Variants in DPYD observed in about 807,000 individuals in gnomAD.
DPYD encodes dihydropyrimidine dehydrogenase [NADP(+)].
A neutral mutation model predicts 116.2 loss-of-function variants in DPYD; 109 were observed. The ratio of observed to expected loss-of-function variants is 0.94; its 90% confidence interval spans 0.80 to 1.10. DPYD has a LOEUF of 1.10. DPYD is among the 50% of genes least tolerant of loss of function. The probability of loss-of-function intolerance (pLI) is 0.00; values close to 1 mark genes in which losing one functional copy is unlikely to be tolerated. For synonymous variants in DPYD, 440 were observed against 432.0 expected (o/e 1.02, Z -0.23); for missense variants, 1,302 against 1,254.5 (o/e 1.04, Z -0.57).
chr1:97,657,817 A>G (rs987276827), intron 8 of DPYD, among the ~76,000 whole-genome samples: 3 of 152,174 alleles, frequency 2.0e-5, no homozygotes, highest in Admixed American at 6.5e-5. Context: ...GAAAATGTTG[A>G]AGACTGGTAG....
intron 13 of DPYD, among the ~76,000 whole-genome samples, chr1:97,467,659 G>A (rs11165877): frequency 0.27 from 40,894 of 152,020 alleles, 5,696 homozygotes; most frequent in Middle Eastern, 0.37. Flanking sequence ...TGAGCCAGGT[G>A]AGCAGGCTTC....
intron 1 of DPYD, among the ~76,000 whole-genome samples, chr1:97,915,544 CAT>C (rs1408064598): frequency 6.6e-6 from 1 of 152,098 alleles, no homozygotes. Flanking sequence ...TGAACACCCA[CAT>C]GACTGATATT....
chr1:97,228,356 A>T (rs1217179572), intron 19 of DPYD, among the ~76,000 whole-genome samples: 4 of 152,152 alleles, frequency 2.6e-5, no homozygotes, highest in African/African-American at 9.6e-5. Flanking sequence ...ACTCTTCTTA[A>T]TGTCAGTCAT....
chr1:97,259,021 T>C (rs962188893), intron 18 of DPYD, among the ~76,000 whole-genome samples: 4 of 152,108 alleles, frequency 2.6e-5, no homozygotes, highest in African/African-American at 9.7e-5. Context: ...CCATTTACTG[T>C]GATAATTTTT....
At chr1:97,111,876 C>T (rs1651624621) in intron 20 of DPYD, among the ~76,000 whole-genome samples, 1 of 151,996 alleles carries the variant, frequency 6.6e-6, no homozygotes, top group African/African-American at 2.4e-5. Context: ...AGGTTTTTGA[C>T]TTAGTCGTGT....
intron 4 of DPYD, among the ~76,000 whole-genome samples, chr1:97,726,616 T>C (rs1190366577): frequency 1.3e-5 from 2 of 151,490 alleles, no homozygotes; most frequent in Non-Finnish European, 3.0e-5. Flanking sequence ...AAAATTCCCA[T>C]TGTATAATTA....
intron 21 of DPYD, among the ~76,000 whole-genome samples, chr1:97,083,585 T>C (rs1649313523): frequency 6.6e-6 from 1 of 152,276 alleles, no homozygotes; most frequent in South Asian, 2.1e-4. Flanking sequence ...TTATAATGCA[T>C]TGAAGTTATA....
rs1668485849 is a variant in DPYD, at chr1:97,323,489, A to ATATACATATATGTGTATATATACACG, written c.2059-17193_2059-17192insCGTGTATATATACACATATATGTATA. Among the ~76,000 whole-genome samples, 6 of 115,816 alleles carry ATATACATATATGTGTATATATACACG rather than the reference A, an allele frequency of 5.2e-5. 1 individual carries two copies. Among genetic ancestry groups the ATATACATATATGTGTATATATACACG allele is most frequent in the Admixed American group, 8.9e-5 (1 of 11,236 alleles). 76.0% of individuals were successfully genotyped at this position (115,816 alleles called of 152,430 possible). On this transcript the variant is annotated intron_variant, in intron 16 of 22. Transcript: ENST00000370192. The stretch of plus-strand genomic sequence containing the variant: ...CATATATGTGTATATATACACGTAT[A>ATATACATATATGTGTATATATACACG]TATACATATCATATGTACATATGTG...
At chr1:97,533,884 G>C (rs958944466) in intron 12 of DPYD, among the ~76,000 whole-genome samples, 2 of 152,048 alleles carry the variant, frequency 1.3e-5, no homozygotes, top group African/African-American at 4.8e-5. Context: ...TGGTTGTGAA[G>C]ATCAAATGAG....
Position 97,498,926 on chromosome 1 carries a change from A to T in DPYD, c.1740+16800T>A, listed in dbSNP as rs60927802. On this transcript the variant is annotated intron_variant, in intron 13 of 22. Coordinates refer to ENST00000370192, the MANE Select transcript of DPYD (RefSeq NM_000110.4). Reference sequence around the variant, plus strand: ...TAAACATAAAGAAATATTTTTTCTTAAAAGTTATGATTTATAAAGAGTTCT... The same window carrying T: ...TAAACATAAAGAAATATTTTTTCTTTAAAGTTATGATTTATAAAGAGTTCT... Among the ~76,000 whole-genome samples, 517 of 151,818 alleles carry T rather than the reference A, an allele frequency of 3.4e-3. 25 individuals are homozygous for T. The East Asian group carries it at 0.083, about 24-fold the overall frequency.
chr1:97,382,015 T>G (rs1672000462), intron 15 of DPYD, among the ~76,000 whole-genome samples: 1 of 152,176 alleles, frequency 6.6e-6, no homozygotes, highest in Admixed American at 6.6e-5. Context: ...TCTCTTACTG[T>G]CAAACTAGTT....
intron 3 of DPYD, among the ~76,000 whole-genome samples, chr1:97,815,171 G>A (rs1668537277): frequency 6.6e-6 from 1 of 152,060 alleles, no homozygotes; most frequent in Admixed American, 6.6e-5. Flanking sequence ...GTTAAATTTG[G>A]GTTGTTATTT....
In DPYD at chr1:97,347,335, A is replaced by C; in HGVS notation, c.2058+26226T>G. Among the ~76,000 whole-genome samples, 2 of 152,062 alleles carry C rather than the reference A, an allele frequency of 1.3e-5. 1 individual carries two copies. Among genetic ancestry groups the C allele is most frequent in the South Asian group, 4.1e-4 (2 of 4,826 alleles). ...TAAGATGTTTTTAAAATTATGAATG[A>C]ATCTTGACTTCTACCAAACATATTT... is the stretch of plus-strand genomic sequence containing the variant. On this transcript the variant is annotated intron_variant, in intron 16 of 22. Coordinates refer to ENST00000370192, the MANE Select transcript of DPYD (RefSeq NM_000110.4).
intron 20 of DPYD, among the ~76,000 whole-genome samples, chr1:97,112,506 G>A (rs1223014543): frequency 6.6e-6 from 1 of 152,134 alleles, no homozygotes; most frequent in Non-Finnish European, 1.5e-5. Flanking sequence ...ATCTGTGGGG[G>A]TTAGGGAAGA....
intron 18 of DPYD, among the ~76,000 whole-genome samples, chr1:97,281,256 T>A (rs1485199620): frequency 6.6e-6 from 1 of 151,548 alleles, no homozygotes; most frequent in African/African-American, 2.4e-5. Flanking sequence ...ACCAGAGAAT[T>A]TCCAGACCTA....
At chr1:97,363,076 GA>G (rs1670830546) in intron 16 of DPYD, among the ~76,000 whole-genome samples, 1 of 152,086 alleles carries the variant, frequency 6.6e-6, no homozygotes, top group Non-Finnish European at 1.5e-5. Context: ...CTAATAACCA[GA>G]ATCTACAAGA....
At chr1:97,427,164 C>T (rs761239737) in intron 14 of DPYD, among the ~76,000 whole-genome samples, 110 of 151,964 alleles carry the variant, frequency 7.2e-4, no homozygotes, top group Non-Finnish European at 2.4e-4. Context: ...GCTATATATC[C>T]AAAGATTTAT....
intron 12 of DPYD, among the ~76,000 whole-genome samples, chr1:97,537,801 C>A (rs755556952): frequency 6.6e-6 from 1 of 152,098 alleles, no homozygotes; most frequent in African/African-American, 2.4e-5. Flanking sequence ...AAAAAATATA[C>A]GTTGAGGGCA....
In DPYD at chr1:97,725,744, T is replaced by C. The variant is rs1470378409; in HGVS notation, c.322-4073A>G. On this transcript the variant is annotated intron_variant, in intron 4 of 22. Coordinates refer to ENST00000370192, the MANE Select transcript of DPYD (RefSeq NM_000110.4). Reference sequence around the variant, plus strand: ...ATGCTGGAATATCTGAATATTCACATGCAAAAGAATGAAGTTTGACCCTAT... The same window carrying C: ...ATGCTGGAATATCTGAATATTCACACGCAAAAGAATGAAGTTTGACCCTAT... Among the ~76,000 whole-genome samples the C allele has an allele frequency of 4.6e-5, 7 of 151,746 alleles. No individual in the cohort carries two copies. The South Asian group carries it at 1.2e-3, about 27-fold the overall frequency.
Sources: allele counts gnomAD v4.1 joint callset (sites outside exome capture counted in the v4.1 genomes callset), GRCh38; gene constraint gnomAD v4.1.1; transcripts MANE v1.5; gene names NCBI Gene and HGNC (gene_info 2026-07-23, HGNC 2026-07-21).